LPAR1: variants seen among roughly 807,000 people sequenced by gnomAD.
LPAR1 encodes the protein lysophosphatidic acid receptor 1, also known as LPA receptor 1.
Under a neutral mutation model 23.8 loss-of-function variants are expected in LPAR1, and 5 were observed. That is an observed-to-expected ratio of 0.21 (90% CI 0.11 to 0.44). The LOEUF is 0.44. Among genes scored for constraint, LPAR1 ranks in the 20% least tolerant of loss-of-function variants. LPAR1 has a pLI of 0.99. For missense variants in LPAR1, 311 were observed against 482.8 expected, an observed-to-expected ratio of 0.64 and a Z score of 3.33; for synonymous variants, 160 against 164.7, an observed-to-expected ratio of 0.97 and a Z score of 0.22.
intron 5 of LPAR1, among the ~76,000 whole-genome samples, chr9:110,885,450 T>C (rs962096860): frequency 4.6e-5 from 7 of 152,174 alleles, no homozygotes; most frequent in Admixed American, 1.3e-4. Flanking sequence ...GAGAGATGTG[T>C]TCCTCTGAAT....
chr9:110,875,318 A>G lies in LPAR1; in HGVS notation c.*103T>C, dbSNP rs2078818847. On this transcript the variant is annotated 3_prime_UTR_variant, in exon 6 of 6. Transcript: ENST00000683809. ...GGTTAGTGTTTAAGTACATGAGTTG[A>G]CTTTTCTCCTCTCTCACACCCCACC... The G allele has an allele frequency of 1.1e-6, 1 of 950,612 alleles. No individual in the cohort carries two copies. The highest frequency in any genetic ancestry group is 2.9e-5 in the Admixed American group (1 of 34,262). 58.9% of individuals were successfully genotyped at this position (950,612 alleles called of 1,614,324 possible).
rs573222167 is a variant in LPAR1 at position 110,971,973 on chromosome 9, T to C, written c.45+100A>G. On this transcript the variant is annotated intron_variant, in intron 4 of 5. Transcript: ENST00000683809. ...ACACACCAAATGATAGCGAGAGAGA[T>C]ATACATGATCCCTAGAGTCAAATAC... 193 of 980,424 alleles carry C rather than the reference T, an allele frequency of 2.0e-4. No individual in the cohort carries two copies. The African/African-American group carries it at 2.8e-3, about 14-fold the overall frequency. 60.7% of individuals were successfully genotyped at this position (980,424 alleles called of 1,614,324 possible).
intron 4 of LPAR1, among the ~76,000 whole-genome samples, chr9:110,959,252 AAAAG>A (rs930253015): frequency 2.6e-3 from 391 of 151,804 alleles, no homozygotes; most frequent in African/African-American, 9.1e-3. Context: ...GAAAAGAGAA[AAAAG>A]AAAGAAAGAC....
At chr9:110,892,961 G>T (rs2085041836) in intron 5 of LPAR1, among the ~76,000 whole-genome samples, 1 of 152,124 alleles carries the variant, frequency 6.6e-6, no homozygotes, top group East Asian at 1.9e-4. Context: ...AATATCTGTG[G>T]CTGGGTGGTT....
At chr9:111,023,938 C>T (rs1374107988) in intron 2 of LPAR1, among the ~76,000 whole-genome samples, 4 of 152,086 alleles carry the variant, frequency 2.6e-5, no homozygotes, top group African/African-American at 9.7e-5. Context: ...AACTAAATGT[C>T]CCAATAAAAC....
intron 2 of LPAR1, among the ~76,000 whole-genome samples, chr9:111,023,053 CAAAAAAAAAAA>C (rs35394780): frequency 7.1e-5 from 4 of 56,720 alleles, no homozygotes; most frequent in African/African-American, 2.8e-4. Flanking sequence ...TCCGTCTCAA[CAAAAAAAAAAA>C]AAAAAAAAAA....
At chr9:110,881,795 A>G (rs1260892978) in intron 5 of LPAR1, among the ~76,000 whole-genome samples, 6 of 152,160 alleles carry the variant, frequency 3.9e-5, no homozygotes, top group Admixed American at 3.3e-4. Context: ...ACAAGCATAA[A>G]TCAATTTGCA....
intron 2 of LPAR1, among the ~76,000 whole-genome samples, chr9:110,980,193 T>C (rs2096639539): frequency 6.6e-6 from 1 of 152,096 alleles, no homozygotes; most frequent in South Asian, 2.1e-4. Context: ...GGTACATCTA[T>C]AAATATTCCA....
chr9:110,946,565 G>A (rs1367608213), intron 4 of LPAR1, among the ~76,000 whole-genome samples: 1 of 151,984 alleles, frequency 6.6e-6, no homozygotes, highest in Non-Finnish European at 1.5e-5. Context: ...GGACAATAAA[G>A]AACAGTCACA....
At chr9:110,906,270 A>G (rs2134107953) in intron 5 of LPAR1, among the ~76,000 whole-genome samples, 1 of 152,296 alleles carries the variant, frequency 6.6e-6, no homozygotes, top group African/African-American at 2.4e-5. Context: ...TATATGTAGG[A>G]CAATGTTAAC....
intron 5 of LPAR1, among the ~76,000 whole-genome samples, chr9:110,901,446 A>T (rs940944378): frequency 3.9e-5 from 6 of 152,234 alleles, no homozygotes; most frequent in Non-Finnish European, 7.3e-5. Flanking sequence ...TAAAGGAAAC[A>T]GGTTTAATGG....
chr9:111,027,203 G>A (rs955596817), intron 2 of LPAR1, among the ~76,000 whole-genome samples: 2 of 152,056 alleles, frequency 1.3e-5, no homozygotes, highest in African/African-American at 4.8e-5. Flanking sequence ...CTCAATTTCA[G>A]AACGCTCCAC....
intron 2 of LPAR1, among the ~76,000 whole-genome samples, chr9:110,982,502 G>C (rs1007149525): frequency 3.9e-5 from 6 of 152,024 alleles, no homozygotes; most frequent in African/African-American, 1.5e-4. Flanking sequence ...GGGAGGGATA[G>C]CATTAGGAGA....
chr9:110,949,242 C>G (rs1014442806), intron 4 of LPAR1, among the ~76,000 whole-genome samples: 4 of 152,128 alleles, frequency 2.6e-5, no homozygotes, highest in African/African-American at 9.7e-5. Flanking sequence ...ACCAGCCTCA[C>G]TGAATATAAA....
rs942312773 is a variant in LPAR1, at chr9:110,875,616, A to G, written c.900T>C (p.Ala300=). The part of the protein sequence containing the change: ...LAYEKFFLLL[A]EFNSAMNPII... ...TGGGGTTCATGGCAGAGTTGAATTC[A>G]GCAAGGAGAAGGAAGAATTTCTCAT... Residue 300 remains alanine (A), a synonymous_variant, in exon 6 of 6, where the codon GCT becomes GCC. Coordinates refer to ENST00000683809, the MANE Select transcript of LPAR1 (RefSeq NM_001351411.2). 1.2e-6 allele frequency: 2 copies of G among 1,613,982 alleles called. No individual in the cohort carries two copies. Among genetic ancestry groups the G allele is most frequent in the Non-Finnish European group, 1.7e-6 (2 of 1,179,968 alleles).
At chr9:110,908,043 C>T (rs2091675612) in intron 5 of LPAR1, among the ~76,000 whole-genome samples, 1 of 151,758 alleles carries the variant, frequency 6.6e-6, no homozygotes, top group African/African-American at 2.4e-5. Context: ...ATATCCATCC[C>T]AAATAATTCT....
intron 5 of LPAR1, among the ~76,000 whole-genome samples, chr9:110,931,802 T>C (rs1379906436): frequency 2.0e-5 from 3 of 152,278 alleles, no homozygotes; most frequent in African/African-American, 7.2e-5. Flanking sequence ...TTCTTGTTTT[T>C]GTCAGGTTTG....
intron 5 of LPAR1, among the ~76,000 whole-genome samples, chr9:110,917,262 T>C (rs2093237370): frequency 1.3e-5 from 2 of 151,792 alleles, no homozygotes; most frequent in Admixed American, 1.3e-4. Flanking sequence ...GGAAGGAGCA[T>C]CACTTGAACC....
intron 2 of LPAR1, among the ~76,000 whole-genome samples, chr9:111,017,551 G>A (rs966586140): frequency 6.6e-5 from 10 of 152,086 alleles, no homozygotes; most frequent in Admixed American, 4.6e-4. Flanking sequence ...GAGCTTATGC[G>A]GGTAAATATG....
Sources: gnomAD v4.1 joint callset for allele counts (sites outside exome capture counted in the v4.1 genomes callset) on GRCh38, gnomAD v4.1.1 for gene constraint, MANE v1.5 for transcripts, NCBI Gene and HGNC (gene_info 2026-07-23, HGNC 2026-07-21) for gene names.